Variants in MYH15 observed in about 807,000 individuals in gnomAD.
The protein encoded by MYH15 is myosin-15.
Under a neutral mutation model 240.5 loss-of-function variants are expected in MYH15, and 227 were observed. The observed-to-expected ratio is 0.94, with a 90% CI of 0.85 to 1.05. MYH15 has a LOEUF of 1.05. MYH15 is among the 50% of genes least tolerant of loss of function. The probability of loss-of-function intolerance (pLI) is 0.00; values close to 1 mark genes in which losing one functional copy is unlikely to be tolerated. For synonymous variants in MYH15, 785 were observed against 796.7 expected (o/e 0.99, Z 0.25); for missense variants, 2,217 against 2,247.5 (o/e 0.99, Z 0.27).
At chr3:108,454,883 C>T (rs2083006283) in intron 20 of MYH15, among the ~76,000 whole-genome samples, 1 of 152,116 alleles carries the variant, frequency 6.6e-6, no homozygotes, top group African/African-American at 2.4e-5. Flanking sequence ...GAAATTTGTG[C>T]CTTAGGAGTT....
intron 5 of MYH15, 66 bp downstream of exon 5, chr3:108,499,389 A>T: frequency 3.4e-6 from 5 of 1,486,870 alleles, no homozygotes; most frequent in Non-Finnish European, 4.7e-6. Flanking sequence ...TTCCCAGTGA[A>T]ATGGAGGTAT....
chr3:108,517,666 C>T (rs915040391), intron 1 of MYH15, among the ~76,000 whole-genome samples: 2 of 151,858 alleles, frequency 1.3e-5, no homozygotes, highest in South Asian at 4.2e-4. Flanking sequence ...TGGGGTTTCA[C>T]CATGTTGGCC....
At chr3:108,448,042 T>A (rs527685432) in intron 21 of MYH15, among the ~76,000 whole-genome samples, 1 of 152,224 alleles carries the variant, frequency 6.6e-6, no homozygotes, top group Admixed American at 6.5e-5. Context: ...TAAAATAAGA[T>A]GTTGTCAGCC....
intron 5 of MYH15, 84 bp from the exon 6 acceptor site, chr3:108,498,229 A>G (rs1348154120): frequency 8.5e-7 from 1 of 1,177,582 alleles, no homozygotes; most frequent in Non-Finnish European, 1.3e-6. Flanking sequence ...TATATAGGCT[A>G]TGGCAAGCAG....
At chr3:108,492,430 T>C (rs991815837) in intron 9 of MYH15, 70 bp downstream of exon 9, 2 of 1,158,370 alleles carry the variant, frequency 1.7e-6, no homozygotes, top group African/African-American at 1.5e-5. Context: ...AATAACACTT[T>C]TTCATCCCCC....
chr3:108,388,999 C>T lies in MYH15; in HGVS notation c.5506G>A (p.Glu1836Lys), dbSNP rs1240796703. The change falls in exon 38 of 41, where the codon GAG becomes AAG. Residue 1836 changes from glutamate to lysine, a missense_variant. Transcript: ENST00000693548. ...TAGGTCAGCTCTTTGATGCATCGCT[C>T]AAGTCTGCGGGCTCCCCTCTGGGCC... ...AEAQRGARRL[E>K]RCIKELTYQA... The T allele has an allele frequency of 1.9e-6, 3 of 1,613,756 alleles. No homozygotes were observed. Among genetic ancestry groups the T allele is most frequent in the Admixed American group, 3.3e-5 (2 of 59,996 alleles).
rs747517918 is a variant in MYH15 at position 108,399,190 on chromosome 3, C to T, written c.4814G>A (p.Arg1605Gln). The T allele has an allele frequency of 1.4e-5, 22 of 1,614,050 alleles. No homozygotes were observed. Among genetic ancestry groups the T allele is most frequent in the Admixed American group, 1.7e-5 (1 of 60,002 alleles). ...GTCCTCTTCCATCTTCTTCTTCAGC[C>T]GGGTAACCTCAATTCTGCTCTTAGC... ...SEAKSRIEVTRLKKKMEEDLN... is the reference protein window; with the variant it reads ...SEAKSRIEVTQLKKKMEEDLN... The change falls in exon 34 of 41, where the codon CGG (arginine) becomes CAG (glutamine). Residue 1605 changes from arginine to glutamine, a missense_variant. Transcript: ENST00000693548.
chr3:108,431,066 A>G (rs2082774938), intron 25 of MYH15, 144 bp from the exon 26 acceptor site: 2 of 612,112 alleles, frequency 3.3e-6, no homozygotes, highest in South Asian at 4.1e-5. Context: ...TACTCATTGT[A>G]CATTGTATAC....
At chr3:108,424,152 A>G (rs1410196701) in intron 27 of MYH15, among the ~76,000 whole-genome samples, 6 of 152,226 alleles carry the variant, frequency 3.9e-5, no homozygotes, top group Non-Finnish European at 7.3e-5. Context: ...GGTAAGAAAA[A>G]GAGCCAAAGA....
chr3:108,484,408 G>A (rs1355792075), intron 11 of MYH15, among the ~76,000 whole-genome samples: 1 of 152,042 alleles, frequency 6.6e-6, no homozygotes, highest in Non-Finnish European at 1.5e-5. Context: ...AATTCCAAGG[G>A]CCTTAGTTCA....
At chr3:108,523,535 T>C (rs1403691139) in intron 1 of MYH15, among the ~76,000 whole-genome samples, 1 of 151,970 alleles carries the variant, frequency 6.6e-6, no homozygotes, top group Non-Finnish European at 1.5e-5. Context: ...ATAAATAACA[T>C]ATAATTAATT....
intron 30 of MYH15, among the ~76,000 whole-genome samples, chr3:108,413,753 C>T (rs866781352): frequency 3.2e-4 from 49 of 152,164 alleles, no homozygotes; most frequent in African/African-American, 1.1e-3. Context: ...GAAGACATGA[C>T]GACAGATCCT....
At chr3:108,476,943 T>A (rs571065964) in intron 11 of MYH15, among the ~76,000 whole-genome samples, 1 of 152,238 alleles carries the variant, frequency 6.6e-6, no homozygotes, top group South Asian at 2.1e-4. Context: ...ATAGAGTTAC[T>A]ATGGAACCCA....
chr3:108,385,903 T>C (rs889742061), intron 38 of MYH15, among the ~76,000 whole-genome samples: 1 of 151,666 alleles, frequency 6.6e-6, no homozygotes, highest in Non-Finnish European at 1.5e-5. Context: ...TCTGGAATGC[T>C]CCCCCGCCAC....
Position 108,492,484 on chromosome 3 carries a change from A to C in MYH15, c.871+16T>G. 6.4e-7 allele frequency: 1 copy of C among 1,571,610 alleles called. No homozygotes were observed. The highest frequency in any genetic ancestry group is 8.7e-7 in the Non-Finnish European group (1 of 1,144,676). ...TTGTTTTGGAATAACCCTAAGCTCCAGAATCCTACACTTACCATGAAGCTC... is the reference window on the plus strand; with the variant it reads ...TTGTTTTGGAATAACCCTAAGCTCCCGAATCCTACACTTACCATGAAGCTC... On this transcript the variant is annotated intron_variant, in intron 9 of 40. Transcript: ENST00000693548.
At chr3:108,419,592 G>C (rs2082664512) in intron 28 of MYH15, among the ~76,000 whole-genome samples, 1 of 152,174 alleles carries the variant, frequency 6.6e-6, no homozygotes, top group Non-Finnish European at 1.5e-5. Context: ...ATCCTAAATA[G>C]CACAGATCAA....
At chr3:108,441,899 T>C (rs2082887731) in intron 22 of MYH15, among the ~76,000 whole-genome samples, 1 of 152,242 alleles carries the variant, frequency 6.6e-6, no homozygotes, top group African/African-American at 2.4e-5. Flanking sequence ...TGGTACTCTT[T>C]CATTTATCCT....
intron 7 of MYH15, among the ~76,000 whole-genome samples, 188 bp downstream of exon 7, chr3:108,495,592 A>G (rs1347965759): frequency 2.0e-5 from 3 of 152,158 alleles, no homozygotes; most frequent in African/African-American, 7.2e-5. Context: ...ATGCATATTT[A>G]TTTATAAAAA....
intron 11 of MYH15, among the ~76,000 whole-genome samples, chr3:108,482,277 T>C (rs995338245): frequency 2.0e-5 from 3 of 151,696 alleles, no homozygotes; most frequent in African/African-American, 7.3e-5. Context: ...TCTATTCATG[T>C]TGAGTTTGAG....
Sources: allele counts gnomAD v4.1 joint callset (sites outside exome capture counted in the v4.1 genomes callset), GRCh38; gene constraint gnomAD v4.1.1; transcripts MANE v1.5; gene names NCBI Gene and HGNC (gene_info 2026-07-23, HGNC 2026-07-21).